DMD: variants seen among roughly 807,000 people sequenced by gnomAD.
DMD encodes the protein dystrophin.
In DMD, 63 loss-of-function variants were observed where a neutral mutation model predicts 330.1. The observed-to-expected ratio is 0.19, with a 90% CI of 0.16 to 0.24. The LOEUF (loss-of-function observed/expected upper bound fraction) is 0.24, where lower values mean the gene tolerates loss of function less well. Among genes scored for constraint, DMD ranks in the 10% least tolerant of loss-of-function variants. The pLI is 1.00. For missense variants in DMD, 3,344 were observed against 2,684.1 expected (o/e 1.25, Z -5.43); for synonymous variants, 1,223 against 959.8 (o/e 1.27, Z -5.07).
At chrX:31,324,010 A>G (rs7884417) in intron 61 of DMD, among the ~76,000 whole-genome samples, 1,654 of 111,293 alleles carry the variant, frequency 0.015, 35 homozygotes, top group African/African-American at 0.051. Flanking sequence ...CTGGTTCTCA[A>G]TATTTTTTAC....
At chrX:33,133,270 G>A (rs1007400590) in intron 1 of DMD, among the ~76,000 whole-genome samples, 1 of 111,501 alleles carries the variant, frequency 9.0e-6, no homozygotes, top group African/African-American at 3.3e-5. Flanking sequence ...AGGGAACAAC[G>A]TAGACTTCGA....
At chrX:31,742,442 T>C in intron 51 of DMD, among the ~76,000 whole-genome samples, 1 of 112,226 alleles carries the variant, frequency 8.9e-6, no homozygotes, top group Admixed American at 9.5e-5. Context: ...GTAGGGTTAC[T>C]GACTGGCATA....
At chrX:32,741,990 C>A (rs193267327) in intron 7 of DMD, among the ~76,000 whole-genome samples, 5 of 111,436 alleles carry the variant, frequency 4.5e-5, no homozygotes, top group Non-Finnish European at 7.5e-5. Flanking sequence ...TACTTTTGCA[C>A]CAACTTAATA....
At chrX:31,134,068 C>A in intron 77 of DMD, 34 bp downstream of exon 77, 1 of 1,174,906 alleles carries the variant, frequency 8.5e-7, no homozygotes. Flanking sequence ...CTGATCCCAG[C>A]AAATCTGAGT....
intron 7 of DMD, among the ~76,000 whole-genome samples, chrX:32,714,094 C>G (rs1401301326): frequency 8.9e-6 from 1 of 111,732 alleles, no homozygotes; most frequent in Non-Finnish European, 1.9e-5. Flanking sequence ...ACGCACACTG[C>G]TTTCACACCA....
chrX:32,931,343 G>C (rs181545882), intron 2 of DMD, among the ~76,000 whole-genome samples: 2 of 111,413 alleles, frequency 1.8e-5, no homozygotes, highest in Admixed American at 1.9e-4. Flanking sequence ...TAGGGGGAGA[G>C]TGCGTGGTTA....
intron 43 of DMD, among the ~76,000 whole-genome samples, chrX:32,282,113 G>A (rs972953401): frequency 8.9e-6 from 1 of 111,943 alleles, no homozygotes; most frequent in Non-Finnish European, 1.9e-5. Flanking sequence ...GATAGCATTT[G>A]AACTGTTCTA....
At chrX:32,725,159 G>A (rs559395290) in intron 7 of DMD, among the ~76,000 whole-genome samples, 2 of 110,878 alleles carry the variant, frequency 1.8e-5, no homozygotes, top group Non-Finnish European at 3.8e-5. Context: ...TAAAATAAAC[G>A]TACCAGCATT....
At chrX:32,999,055 G>T (rs1015956537) in intron 2 of DMD, among the ~76,000 whole-genome samples, 5 of 112,407 alleles carry the variant, frequency 4.4e-5, no homozygotes, top group Non-Finnish European at 5.6e-5. Flanking sequence ...TACACTATTC[G>T]AAGGATTTAT....
At chrX:32,971,600 A>G (rs766390531) in intron 2 of DMD, among the ~76,000 whole-genome samples, 1 of 111,439 alleles carries the variant, frequency 9.0e-6, no homozygotes, top group Non-Finnish European at 1.9e-5. Flanking sequence ...TCCTCATGAA[A>G]CTATTCATGA....
At chrX:31,482,718 T>C (rs2068406112) in intron 57 of DMD, among the ~76,000 whole-genome samples, 1 of 111,806 alleles carries the variant, frequency 8.9e-6, no homozygotes, top group Non-Finnish European at 1.9e-5. Context: ...ATTTTCTTTT[T>C]CTGAGAAGGA....
At chrX:32,566,415 G>C (rs1382945157) in intron 15 of DMD, among the ~76,000 whole-genome samples, 2 of 111,875 alleles carry the variant, frequency 1.8e-5, no homozygotes, top group Non-Finnish European at 3.8e-5. Context: ...TTAACATTCG[G>C]TTCATTATTT....
At chrX:32,523,724 T>C (rs1405615228) in intron 17 of DMD, among the ~76,000 whole-genome samples, 3 of 111,584 alleles carry the variant, frequency 2.7e-5, no homozygotes, top group African/African-American at 9.8e-5. Context: ...AAATATCTCA[T>C]GCTTTTCTCT....
chrX:33,259,341 T>G (rs369163531), intron 1 of DMD, among the ~76,000 whole-genome samples: 1 of 109,922 alleles, frequency 9.1e-6, no homozygotes, highest in Non-Finnish European at 1.9e-5. Context: ...CCAAAGTCCA[T>G]AGATTACATT....
At chrX:32,124,349 T>C (rs183095763) in intron 44 of DMD, among the ~76,000 whole-genome samples, 58 of 112,365 alleles carry the variant, frequency 5.2e-4, no homozygotes, top group Admixed American at 5.1e-3. Flanking sequence ...TGTCCGAAGC[T>C]AGAGTCTGCT....
intron 5 of DMD, among the ~76,000 whole-genome samples, chrX:32,818,552 T>TTGTG (rs1313709301): frequency 8.9e-6 from 1 of 111,861 alleles, no homozygotes; most frequent in African/African-American, 3.3e-5. Flanking sequence ...ACAGATGTAT[T>TTGTG]TGTGTGTGTG....
chrX:31,664,150 T>C (rs375428678), intron 53 of DMD, among the ~76,000 whole-genome samples: 79 of 111,502 alleles, frequency 7.1e-4, no homozygotes, highest in African/African-American at 2.2e-3. Flanking sequence ...AATGTATTTA[T>C]GCAGTGTGGC....
chrX:32,582,464 T>C (rs5972603), intron 13 of DMD, among the ~76,000 whole-genome samples: 4,035 of 111,527 alleles, frequency 0.036, 186 homozygotes, highest in African/African-American at 0.12. Context: ...TTAAAAACTA[T>C]AAAACATTAT....
At chrX:31,711,971 T>C in intron 52 of DMD, among the ~76,000 whole-genome samples, 1 of 111,073 alleles carries the variant, frequency 9.0e-6, no homozygotes, top group Non-Finnish European at 1.9e-5. Flanking sequence ...TATATACATA[T>C]ACTATAACGG....
Sources: allele counts gnomAD v4.1 joint callset (sites outside exome capture counted in the v4.1 genomes callset), GRCh38; gene constraint gnomAD v4.1.1; transcripts MANE v1.5; gene names NCBI Gene and HGNC (gene_info 2026-07-23, HGNC 2026-07-21).